Variants in TMC1 observed in about 807,000 individuals in gnomAD.
The protein encoded by TMC1 is transmembrane channel-like protein 1.
A neutral mutation model predicts 105.8 loss-of-function variants in TMC1; 84 were observed. The ratio of observed to expected loss-of-function variants is 0.79; its 90% CI spans 0.67 to 0.95. The LOEUF (loss-of-function observed/expected upper bound fraction) is 0.95, where lower values mean the gene tolerates loss of function less well. TMC1 is among the 40% of genes least tolerant of loss of function. TMC1 has a pLI of 0.00. For missense variants in TMC1, 817 were observed against 914.1 expected, an observed-to-expected ratio of 0.89 and a Z score of 1.37; for synonymous variants, 315 against 311.5, an observed-to-expected ratio of 1.01 and a Z score of -0.12.
At position 72,838,209 on chromosome 9, in the gene TMC1, A is replaced by G. The variant is rs576241705; in HGVS notation, c.*2236A>G. On this transcript the variant is annotated 3_prime_UTR_variant, in exon 24 of 24. Transcript: ENST00000297784. ...AAAACATTTTACTATGATGTAAGAA[A>G]TGGATTATCTGTTGATAGGCTGAGT... is the stretch of plus-strand genomic sequence containing the variant. The G allele has an allele frequency of 6.6e-6, 1 of 152,372 alleles. No homozygotes were observed. The highest frequency in any genetic ancestry group is 2.1e-4 in the South Asian group (1 of 4,832). The allele number at this position is 152,372 out of a possible 1,614,324, so 9.4% of individuals were successfully genotyped here. A position where few individuals can be genotyped will look rare whatever the true frequency, so the allele number is the denominator to read the frequency against.
chr9:72,811,608 A>G (rs1828706128), intron 18 of TMC1, among the ~76,000 whole-genome samples: 1 of 152,176 alleles, frequency 6.6e-6, no homozygotes, highest in Non-Finnish European at 1.5e-5. Flanking sequence ...AGAATATTCA[A>G]GAAGAAATAG....
intron 8 of TMC1, among the ~76,000 whole-genome samples, chr9:72,720,752 CA>C (rs1176606925): frequency 3.9e-5 from 6 of 152,164 alleles, no homozygotes; most frequent in African/African-American, 1.2e-4. Flanking sequence ...ATCTCAGTCC[CA>C]AAGTGTCAGG....
chr9:72,689,234 T>C (rs1186759820), intron 6 of TMC1, among the ~76,000 whole-genome samples: 1 of 152,074 alleles, frequency 6.6e-6, no homozygotes, highest in Non-Finnish European at 1.5e-5. Context: ...TCTCTAAGCA[T>C]GCATTTCTTT....
intron 20 of TMC1, among the ~76,000 whole-genome samples, chr9:72,826,388 G>T (rs1221059694): frequency 6.6e-6 from 1 of 152,130 alleles, no homozygotes; most frequent in Non-Finnish European, 1.5e-5. Flanking sequence ...ATCTGATGAA[G>T]GAAGTCTGGT....
rs10584160 is a variant in TMC1 at position 72,603,386 on chromosome 9, T to TACACACAC, written c.-305-12953_-305-12946dup. Among the ~76,000 whole-genome samples the TACACACAC allele has an allele frequency of 8.7e-3, 1,259 of 145,316 alleles. 14 individuals are homozygous for TACACACAC. The highest frequency in any genetic ancestry group is 0.028 in the African/African-American group (1,116 of 39,678). On this transcript the variant is annotated intron_variant, in intron 2 of 23. Coordinates refer to ENST00000297784, the MANE Select transcript of TMC1 (RefSeq NM_138691.3). ...TAACTTACTCCTTCTCTCTCCCCAC[T>TACACACAC]ACACACACACACACACACACACACA... is the stretch of plus-strand genomic sequence containing the variant.
chr9:72,618,128 A>G (rs1243891346), intron 3 of TMC1, among the ~76,000 whole-genome samples: 1 of 146,324 alleles, frequency 6.8e-6, no homozygotes, highest in Admixed American at 7.3e-5. Context: ...TCCGGGGTTC[A>G]AGTGACTCTC....
intron 5 of TMC1, among the ~76,000 whole-genome samples, chr9:72,673,796 C>T (rs910430704): frequency 3.9e-5 from 6 of 152,078 alleles, no homozygotes; most frequent in African/African-American, 1.2e-4. Flanking sequence ...TCCTACAAAA[C>T]GTATTCCAAG....
chr9:72,791,973 G>A lies in TMC1; in HGVS notation c.1312G>A (p.Ala438Thr), dbSNP rs745495139. ...ATTAGAAGACTACCATCCTCTCATC[G>A]CTTTGAAATGGCTACTGGGACGCAT... ...AELEDYHPLI[A>T]LKWLLGRIFA... Residue 438 changes from alanine (A) to threonine (T), a missense_variant, in exon 16 of 24, where the codon GCT becomes ACT. Ala to Thr is a moderately conservative substitution (Grantham distance 58). Coordinates refer to ENST00000297784, the MANE Select transcript of TMC1 (RefSeq NM_138691.3). The A allele has an allele frequency of 2.0e-5, 32 of 1,613,824 alleles. No homozygotes were observed. Among genetic ancestry groups the A allele is most frequent in the African/African-American group, 9.3e-5 (7 of 74,888 alleles).
intron 5 of TMC1, among the ~76,000 whole-genome samples, chr9:72,649,557 A>G (rs1450422748): frequency 2.6e-5 from 4 of 152,156 alleles, no homozygotes; most frequent in Non-Finnish European, 5.9e-5. Flanking sequence ...TACCCTATTT[A>G]ATATGCTCAT....
chr9:72,577,018 A>T (rs1198890688), intron 1 of TMC1, among the ~76,000 whole-genome samples: 4 of 151,700 alleles, frequency 2.6e-5, no homozygotes, highest in African/African-American at 9.7e-5. Context: ...GATTTTTTTC[A>T]ATCTTACAGA....
At chr9:72,729,752 AAG>A (rs1827178883) in intron 8 of TMC1, among the ~76,000 whole-genome samples, 1 of 152,228 alleles carries the variant, frequency 6.6e-6, no homozygotes, top group Non-Finnish European at 1.5e-5. Flanking sequence ...TCTCTAATGA[AAG>A]AGGGTTCACA....
At position 72,835,953 on chromosome 9, in the gene TMC1, G is replaced by A. The variant is rs1353234734; in HGVS notation, c.2263G>A (p.Ala755Thr). 7.1e-7 allele frequency: 1 copy of A among 1,410,712 alleles called. No individual in the cohort carries two copies. The highest frequency in any genetic ancestry group is 1.2e-5 in the South Asian group (1 of 86,820). 87.4% of individuals were successfully genotyped at this position (1,410,712 alleles called of 1,614,324 possible). A position where few individuals can be genotyped will look rare whatever the true frequency, so the allele number is the denominator to read the frequency against. Residue 755 changes from alanine (A) to threonine (T), a missense_variant and splice_region_variant, in exon 24 of 24, where the codon GCA becomes ACA. Physicochemically the swap from Ala to Thr is moderately conservative, Grantham distance 58. Coordinates refer to ENST00000297784, the MANE Select transcript of TMC1 (RefSeq NM_138691.3). ...TTTTTTTTCTGTTTTGTGAACAGCT[G>A]CAGCTGCTGGTCGCCAGTAATAAGT... is the stretch of plus-strand genomic sequence containing the variant. ...NKKMAAARAA[A>T]AAGRQ
At chr9:72,779,155 A>G (rs1828052533) in intron 13 of TMC1, among the ~76,000 whole-genome samples, 1 of 152,242 alleles carries the variant, frequency 6.6e-6, no homozygotes, top group African/African-American at 2.4e-5. Context: ...ACTGGGTTAC[A>G]GCACACAGTC....
At chr9:72,600,713 TA>T (rs1824795562) in intron 2 of TMC1, among the ~76,000 whole-genome samples, 1 of 152,110 alleles carries the variant, frequency 6.6e-6, no homozygotes, top group Admixed American at 6.5e-5. Flanking sequence ...AAAATTAAAA[TA>T]AAAAATTAAA....
At chr9:72,564,686 G>A (rs545810924) in intron 1 of TMC1, among the ~76,000 whole-genome samples, 2 of 152,268 alleles carry the variant, frequency 1.3e-5, no homozygotes, top group South Asian at 4.1e-4. Context: ...GACATTTAGT[G>A]GGGGACATGT....
intron 5 of TMC1, among the ~76,000 whole-genome samples, chr9:72,656,885 T>C (rs1177990020): frequency 6.6e-6 from 1 of 152,242 alleles, no homozygotes; most frequent in Non-Finnish European, 1.5e-5. Flanking sequence ...CAGGGCTACT[T>C]TGATCTAGGA....
intron 3 of TMC1, among the ~76,000 whole-genome samples, chr9:72,623,147 G>GTTTTTTTTTTTTCT (rs1825285725): frequency 8.8e-6 from 1 of 113,716 alleles, no homozygotes; most frequent in Non-Finnish European, 1.7e-5. Context: ...CTCTCTCCCT[G>GTTTTTTTTTTTTCT]TTTTTTTTTT....
intron 1 of TMC1, among the ~76,000 whole-genome samples, chr9:72,526,437 A>T (rs1267261819): frequency 1.3e-5 from 2 of 152,212 alleles, no homozygotes; most frequent in South Asian, 4.1e-4. Flanking sequence ...TGAAGATGCT[A>T]CTTAATCATG....
At chr9:72,663,735 C>T (rs1331050744) in intron 5 of TMC1, among the ~76,000 whole-genome samples, 3 of 152,078 alleles carry the variant, frequency 2.0e-5, no homozygotes, top group Non-Finnish European at 4.4e-5. Flanking sequence ...AACAAATTAA[C>T]CTTAGCTTAC....
Sources: gnomAD v4.1 joint callset for allele counts (sites outside exome capture counted in the v4.1 genomes callset) on GRCh38, gnomAD v4.1.1 for gene constraint, MANE v1.5 for transcripts, NCBI Gene and HGNC (gene_info 2026-07-23, HGNC 2026-07-21) for gene names.